The following CCT4 variants were observed in gnomAD, a reference collection of about 807,000 sequenced individuals.
CCT4 encodes chaperonin containing TCP1 subunit 4, also known as T-complex protein 1 subunit delta.
Under a neutral mutation model 62.5 loss-of-function variants are expected in CCT4, and 17 were observed. The observed-to-expected ratio is 0.27, with a 90% CI of 0.19 to 0.41. The LOEUF is 0.41. Ranked by LOEUF, CCT4 falls within the 10% of genes least tolerant of loss-of-function variation. The probability of loss-of-function intolerance (pLI) is 1.00; values close to 1 mark genes in which losing one functional copy is unlikely to be tolerated. For synonymous variants in CCT4, 250 were observed against 229.9 expected (o/e 1.09, Z -0.79); for missense variants, 592 against 659.2 (o/e 0.90, Z 1.12).
At chr2:61,878,821 AAC>A in intron 5 of CCT4, 46 bp downstream of exon 5, 1 of 1,400,382 alleles carries the variant, frequency 7.1e-7, no homozygotes, top group Non-Finnish European at 9.9e-7. Context: ...ATCATAGAGT[AAC>A]ACACTTTTAA....
intron 6 of CCT4, 23 bp from the exon 7 acceptor site, chr2:61,877,075 AG>A: frequency 6.2e-7 from 1 of 1,607,286 alleles, no homozygotes; most frequent in Non-Finnish European, 8.5e-7. Context: ...GAAAACAAAG[AG>A]GGGTAGTTAA....
At chr2:61,881,302 T>C (rs1669105701) in intron 3 of CCT4, among the ~76,000 whole-genome samples, 2 of 152,134 alleles carry the variant, frequency 1.3e-5, no homozygotes, top group African/African-American at 2.4e-5. Flanking sequence ...ATAGAGACTT[T>C]TGTCACTTCT....
chr2:61,881,165 A>C (rs796353270), intron 3 of CCT4, among the ~76,000 whole-genome samples: 2 of 152,140 alleles, frequency 1.3e-5, no homozygotes, highest in East Asian at 3.8e-4. Context: ...CCAAGAAAAC[A>C]GCAAAACTTC....
At chr2:61,872,653 C>A (rs1487622843) in intron 10 of CCT4, 65 bp from the exon 11 acceptor site, 38 of 1,548,190 alleles carry the variant, frequency 2.5e-5, no homozygotes, top group Non-Finnish European at 2.8e-5. Flanking sequence ...CCAGGCCGGG[C>A]ACGGCGGCTC....
intron 12 of CCT4, among the ~76,000 whole-genome samples, chr2:61,870,182 C>G (rs1668854313): frequency 6.6e-6 from 1 of 151,748 alleles, no homozygotes; most frequent in Non-Finnish European, 1.5e-5. Flanking sequence ...GAGGCTGAGG[C>G]AGAAGAATCG....
At chr2:61,872,858 C>T (rs1668913192) in intron 10 of CCT4, 144 bp downstream of exon 10, 25 of 679,848 alleles carry the variant, frequency 3.7e-5, no homozygotes, top group Non-Finnish European at 6.1e-5. Flanking sequence ...ACCCGGGAGG[C>T]GGAGCTTGTA....
chr2:61,870,911 C>T (rs1283978395), intron 12 of CCT4, among the ~76,000 whole-genome samples: 5 of 151,744 alleles, frequency 3.3e-5, no homozygotes, highest in South Asian at 2.1e-4. Flanking sequence ...AGCAAGATTC[C>T]GTCTCCAAAG....
chr2:61,883,476 G>A lies in CCT4; in HGVS notation c.253C>T (p.His85Tyr), dbSNP rs2105139978. The change falls in exon 3 of 14, where the codon CAT becomes TAT. Residue 85 changes from histidine to tyrosine, a missense_variant. By Grantham distance (83) the His-to-Tyr change is moderately conservative. This residue lies in a region of CCT4 where 522 missense variants were observed against 571.2 expected (regional missense o/e 0.91). Coordinates refer to ENST00000394440, the MANE Select transcript of CCT4 (RefSeq NM_006430.4). ...ATILKQMQVL[H>Y]PAARMLVELS... ...ACACTTACCATTCTGGCTGCTGGAT[G>A]TAATACTTGCATTTGTTTCAGAATG... 1 of 1,508,582 alleles carries A rather than the reference G, an allele frequency of 6.6e-7. No individual in the cohort carries two copies. Among genetic ancestry groups the A allele is most frequent in the Non-Finnish European group, 9.1e-7 (1 of 1,093,798 alleles). The allele number at this position is 1,508,582 out of a possible 1,614,324, so 93.4% of individuals were successfully genotyped here. A position where few individuals can be genotyped will look rare whatever the true frequency, so the allele number is the denominator to read the frequency against.
intron 12 of CCT4, among the ~76,000 whole-genome samples, chr2:61,871,564 A>G (rs1268172132): frequency 6.6e-6 from 1 of 152,206 alleles, no homozygotes; most frequent in Non-Finnish European, 1.5e-5. Context: ...CATACAGACA[A>G]TATAAAGTTG....
intron 8 of CCT4, among the ~76,000 whole-genome samples, chr2:61,874,248 G>C (rs1262645956): frequency 1.3e-5 from 2 of 152,084 alleles, no homozygotes; most frequent in African/African-American, 4.8e-5. Flanking sequence ...AGTCTTCTGA[G>C]TCTTCAAAGA....
intron 2 of CCT4, 107 bp from the exon 3 acceptor site, chr2:61,883,655 A>G: frequency 3.1e-6 from 2 of 650,536 alleles, no homozygotes; most frequent in Non-Finnish European, 5.3e-6. Context: ...AAAGTACTTA[A>G]TTTTAAATTC....
At position 61,873,283 on chromosome 2, in the gene CCT4, TAA is replaced by T; in HGVS notation, c.926_927del (p.Leu309GlnfsTer2). ...LIQKSILRDA[L>X]SDLALHFLNK... ...TTCAGAAAGTGTAATGCAAGATCAC[TAA>T]GAGCATCTCTAAAATACAAAATCAG... On this transcript the variant is annotated frameshift_variant, in exon 9 of 14. Transcript: ENST00000394440. LOFTEE classifies it high-confidence loss of function. The T allele has an allele frequency of 6.5e-7, 1 of 1,535,326 alleles. No individual in the cohort carries two copies. Among genetic ancestry groups the T allele is most frequent in the Non-Finnish European group, 9.0e-7 (1 of 1,110,550 alleles).
chr2:61,880,309 G>A lies in CCT4; in HGVS notation c.356C>T (p.Ser119Phe). 6.3e-7 allele frequency: 1 copy of A among 1,591,968 alleles called. No individual in the cohort carries two copies. Among genetic ancestry groups the A allele is most frequent in the East Asian group, 2.3e-5 (1 of 44,262 alleles). ...ACCTTTCTGAAGAAGCTTGGTACAAGAATCTAAGAGGGAGCCAGCAATGAT... is the reference window on the plus strand; with the variant it reads ...ACCTTTCTGAAGAAGCTTGGTACAAAAATCTAAGAGGGAGCCAGCAATGAT... Reference protein sequence around the residue: ...VVIIAGSLLDSCTKLLQKGIH... With the variant: ...VVIIAGSLLDFCTKLLQKGIH... The change falls in exon 4 of 14, where the codon TCT (serine) becomes TTT (phenylalanine). Residue 119 changes from serine to phenylalanine, a missense_variant. Physicochemically the swap from Ser to Phe is radical, Grantham distance 155 (BLOSUM62 -2). Transcript: ENST00000394440.
At position 61,872,166 on chromosome 2, in the gene CCT4, G is replaced by A. The variant is rs1271851028; in HGVS notation, c.1407C>T (p.Ala469=). Residue 469 remains alanine, a synonymous_variant, in exon 12 of 14, where the codon GCC becomes GCT. Transcript: ENST00000394440. ...TTACTGTAGAAATGGGATTCAGGCC[G>A]GCATTTTCAGCTAGTGTAGATGGAA... is the stretch of plus-strand genomic sequence containing the variant. ...EVIPSTLAEN[A]GLNPISTVTE... 8.1e-6 allele frequency: 13 copies of A among 1,613,820 alleles called. No individual in the cohort carries two copies. The highest frequency in any genetic ancestry group is 1.3e-5 in the African/African-American group (1 of 74,868).
intron 7 of CCT4, among the ~76,000 whole-genome samples, chr2:61,876,640 C>A (rs1419589615): frequency 6.6e-6 from 1 of 152,142 alleles, no homozygotes; most frequent in Non-Finnish European, 1.5e-5. Flanking sequence ...CACCCTGCAA[C>A]CTCAAACTCC....
intron 1 of CCT4, among the ~76,000 whole-genome samples, chr2:61,886,906 T>A (rs1461416521): frequency 6.6e-6 from 1 of 152,102 alleles, no homozygotes; most frequent in African/African-American, 2.4e-5. Context: ...ACTACAGGCC[T>A]ACGCCAACAC....
rs1315427837 is a variant in CCT4, at chr2:61,878,338, GGATGGACCAC to G, written c.522+521_522+530del. 2.6e-5 allele frequency among the ~76,000 whole-genome samples: 4 copies of G among 152,136 alleles called. No homozygotes were observed. In the East Asian group the frequency reaches 7.7e-4, roughly 29 times the overall value. On this transcript the variant is annotated intron_variant, in intron 5 of 13. Transcript: ENST00000394440. ...AAAAGCAGCATAAGTATTAGTTAAG[GGATGGACCAC>G]GATGGGCAGCCTGTCCTGGGTTCAA...
At chr2:61,883,799 C>T (rs942536814) in intron 2 of CCT4, among the ~76,000 whole-genome samples, 1 of 148,906 alleles carries the variant, frequency 6.7e-6, no homozygotes, top group African/African-American at 2.6e-5. Flanking sequence ...CACACACACA[C>T]ACACACACAC....
At chr2:61,876,257 A>G in intron 7 of CCT4, 23 bp from the exon 8 acceptor site, 5 of 1,549,146 alleles carry the variant, frequency 3.2e-6, no homozygotes, top group Non-Finnish European at 4.4e-6. Context: ...AGAACATCAT[A>G]ATTTGCATTG....
Sources: allele counts gnomAD v4.1 joint callset (sites outside exome capture counted in the v4.1 genomes callset), GRCh38; gene constraint gnomAD v4.1.1; regional missense constraint gnomAD v4.1.1; transcripts MANE v1.5; gene names NCBI Gene and HGNC (gene_info 2026-07-23, HGNC 2026-07-21).